MMP16: variants seen among roughly 807,000 people sequenced by gnomAD.
The protein encoded by MMP16 is matrix metalloproteinase-16.
Under a neutral mutation model 67.8 loss-of-function variants are expected in MMP16, and 12 were observed. The ratio of observed to expected loss-of-function variants is 0.18; its 90% confidence interval spans 0.11 to 0.29. The LOEUF is 0.29. MMP16 is among the 10% of genes least tolerant of loss of function. The pLI is 1.00. For missense variants in MMP16, 475 were observed against 765.7 expected (o/e 0.62, Z 4.48); for synonymous variants, 249 against 255.9 (o/e 0.97, Z 0.26).
chr8:88,203,103 T>C (rs1169796514), intron 1 of MMP16, among the ~76,000 whole-genome samples: 1 of 63,554 alleles, frequency 1.6e-5, no homozygotes, highest in Non-Finnish European at 3.2e-5. Flanking sequence ...TACCAGAACT[T>C]CTTTTTTTTT....
At chr8:88,117,553 C>A (rs575379802) in intron 5 of MMP16, among the ~76,000 whole-genome samples, 8 of 152,118 alleles carry the variant, frequency 5.3e-5, no homozygotes, top group Admixed American at 5.2e-4. Context: ...TTTCAGTGAA[C>A]CACTTAAGAA....
At chr8:88,084,452 A>C (rs746005197) in intron 6 of MMP16, among the ~76,000 whole-genome samples, 1 of 151,858 alleles carries the variant, frequency 6.6e-6, no homozygotes, top group Non-Finnish European at 1.5e-5. Context: ...TGGTCTCAGC[A>C]AGAAGAAAAA....
rs74343751 is a variant in MMP16, at chr8:88,261,337, T to A, written c.133-64031A>T. Among the ~76,000 whole-genome samples the A allele has an allele frequency of 1.7e-3, 255 of 152,182 alleles. 1 individual carries two copies. The highest frequency in any genetic ancestry group is 6.0e-3 in the African/African-American group (250 of 41,538). ...CTATCTTGGATTCAAAAATATCACA[T>A]GGATAGTTGTATTATCAAGCCCAGA... is the stretch of plus-strand genomic sequence containing the variant. On this transcript the variant is annotated intron_variant, in intron 1 of 9. Transcript: ENST00000286614.
At chr8:88,141,182 A>G (rs576540237) in intron 4 of MMP16, among the ~76,000 whole-genome samples, 1 of 152,316 alleles carries the variant, frequency 6.6e-6, no homozygotes, top group Non-Finnish European at 1.5e-5. Context: ...GTGGAAGGAA[A>G]TGAAATAATC....
rs542904965 is a variant in MMP16 at position 88,056,110 on chromosome 8, T to G, written c.1373+18A>C. On this transcript the variant is annotated intron_variant, in intron 8 of 9. Coordinates refer to ENST00000286614, the MANE Select transcript of MMP16 (RefSeq NM_005941.5). Reference sequence around the variant, plus strand: ...ATTGGTTAATTAACTGTTTTTCTCATGAGAAGTGTATACTGACCTGTCTCC... The same window carrying G: ...ATTGGTTAATTAACTGTTTTTCTCAGGAGAAGTGTATACTGACCTGTCTCC... The G allele has an allele frequency of 3.2e-5, 47 of 1,448,088 alleles. No homozygotes were observed. In the South Asian group the frequency reaches 4.2e-4, roughly 13 times the overall value. The allele number at this position is 1,448,088 out of a possible 1,614,324, so 89.7% of individuals were successfully genotyped here.
chr8:88,309,454 G>A (rs866329413), intron 1 of MMP16, among the ~76,000 whole-genome samples: 58 of 151,414 alleles, frequency 3.8e-4, no homozygotes, highest in Admixed American at 2.4e-3. Context: ...AGGGAGGGGG[G>A]GAACTGTGTG....
chr8:88,071,660 G>A (rs1808557310), intron 7 of MMP16, among the ~76,000 whole-genome samples: 1 of 152,130 alleles, frequency 6.6e-6, no homozygotes. Context: ...CTTGTACATG[G>A]CTATAAGTAC....
At chr8:88,107,912 T>C (rs902670966) in intron 6 of MMP16, among the ~76,000 whole-genome samples, 6 of 151,166 alleles carry the variant, frequency 4.0e-5, no homozygotes, top group Non-Finnish European at 7.4e-5. Context: ...TTAACTTTAA[T>C]GTCTCTCTTT....
At chr8:88,045,809 T>A (rs1436493907) in intron 9 of MMP16, among the ~76,000 whole-genome samples, 1 of 152,220 alleles carries the variant, frequency 6.6e-6, no homozygotes, top group Non-Finnish European at 1.5e-5. Flanking sequence ...CTATTTTTGC[T>A]TATGTTGAGC....
intron 1 of MMP16, among the ~76,000 whole-genome samples, chr8:88,271,863 C>T (rs935917863): frequency 2.6e-5 from 4 of 152,108 alleles, no homozygotes; most frequent in African/African-American, 7.2e-5. Context: ...AGTTAGTTTA[C>T]GCATGTAAAA....
At chr8:88,193,703 T>C (rs528832271) in intron 2 of MMP16, among the ~76,000 whole-genome samples, 2 of 152,108 alleles carry the variant, frequency 1.3e-5, no homozygotes, top group South Asian at 4.1e-4. Flanking sequence ...AAGTACCCTA[T>C]AAATATATAG....
Position 88,036,720 on chromosome 8 carries a change from T to C in MMP16, c.*4741A>G, listed in dbSNP as rs1420541169. On this transcript the variant is annotated 3_prime_UTR_variant, in exon 10 of 10. Coordinates refer to ENST00000286614, the MANE Select transcript of MMP16 (RefSeq NM_005941.5). ...TGTGATATTACATATTGGCTGAGAT[T>C]GCTGTAATAGGTCATCTGAAATGCA... 1.3e-5 allele frequency: 2 copies of C among 151,790 alleles called. No individual in the cohort carries two copies. Among genetic ancestry groups the C allele is most frequent in the Non-Finnish European group, 3.0e-5 (2 of 67,796 alleles). 9.4% of individuals were successfully genotyped at this position (151,790 alleles called of 1,614,324 possible). A position where few individuals can be genotyped will look rare whatever the true frequency, so the allele number is the denominator to read the frequency against.
chr8:88,153,820 T>A (rs1314007230), intron 4 of MMP16, among the ~76,000 whole-genome samples: 1 of 151,384 alleles, frequency 6.6e-6, no homozygotes, highest in Admixed American at 6.6e-5. Context: ...GGACTTCATG[T>A]CCAAAACACC....
intron 2 of MMP16, among the ~76,000 whole-genome samples, chr8:88,193,333 C>T (rs1287406452): frequency 2.6e-5 from 4 of 151,976 alleles, no homozygotes; most frequent in Non-Finnish European, 5.9e-5. Context: ...TGCATGTTTT[C>T]ACATATGTGG....
chr8:88,214,558 G>A (rs72675180), intron 1 of MMP16, among the ~76,000 whole-genome samples: 4,396 of 151,882 alleles, frequency 0.029, 105 homozygotes, highest in Non-Finnish European at 0.043. Context: ...ATGATGTTTT[G>A]AAGTAAGTAT....
At chr8:88,320,597 A>G (rs1367599767) in intron 1 of MMP16, among the ~76,000 whole-genome samples, 1 of 152,208 alleles carries the variant, frequency 6.6e-6, no homozygotes, top group Non-Finnish European at 1.5e-5. Context: ...GCCCTCAGTA[A>G]ACCAGGTTAC....
chr8:88,122,125 A>C (rs1807850460), intron 4 of MMP16, among the ~76,000 whole-genome samples: 1 of 151,968 alleles, frequency 6.6e-6, no homozygotes, highest in Non-Finnish European at 1.5e-5. Flanking sequence ...TGTTAAATGT[A>C]TTTTGGTATA....
intron 1 of MMP16, among the ~76,000 whole-genome samples, chr8:88,290,570 C>T (rs1381269269): frequency 6.6e-6 from 1 of 151,812 alleles, no homozygotes; most frequent in Non-Finnish European, 1.5e-5. Flanking sequence ...AAAAATTGAC[C>T]TAATTATTTT....
In MMP16 at chr8:88,226,880, T is replaced by G. The variant is rs200854828; in HGVS notation, c.133-29574A>C. ...GAAAGAGTACTCAGCCTACACGTAT[T>G]TATTTATTTATTTATTTATTTATTT... On this transcript the variant is annotated intron_variant, in intron 1 of 9. Coordinates refer to ENST00000286614, the MANE Select transcript of MMP16 (RefSeq NM_005941.5). Among the ~76,000 whole-genome samples the G allele has an allele frequency of 4.9e-4, 3 of 6,104 alleles. No individual in the cohort carries two copies. The Non-Finnish European group carries it at 6.7e-3, about 14-fold the overall frequency. The allele number at this position is 6,104 out of a possible 152,430, so 4.0% of individuals were successfully genotyped here.
Sources: gnomAD v4.1 joint callset for allele counts (sites outside exome capture counted in the v4.1 genomes callset) on GRCh38, gnomAD v4.1.1 for gene constraint, MANE v1.5 for transcripts, NCBI Gene and HGNC (gene_info 2026-07-23, HGNC 2026-07-21) for gene names.